SCFD1: variants seen among roughly 807,000 people sequenced by gnomAD.
SCFD1 encodes sec1 family domain containing 1.
SCFD1 carries 37 observed loss-of-function variants against 103.2 expected under a neutral mutation model. The ratio of observed to expected loss-of-function variants is 0.36; its 90% confidence interval spans 0.28 to 0.47. The LOEUF is 0.47. SCFD1 is among the 20% of genes least tolerant of loss of function. The pLI is 1.00. For missense variants in SCFD1, 639 were observed against 761.2 expected, an observed-to-expected ratio of 0.84 and a Z score of 1.89; for synonymous variants, 264 against 245.0, an observed-to-expected ratio of 1.08 and a Z score of -0.73.
chr14:30,646,100 A>G (rs1359494486), intron 7 of SCFD1, among the ~76,000 whole-genome samples: 1 of 152,064 alleles, frequency 6.6e-6, no homozygotes, highest in African/African-American at 2.4e-5. Context: ...ACCTCAGCTC[A>G]CTGCAACCTC....
Position 30,730,521 on chromosome 14 carries a change from T to C in SCFD1, c.1837-4269T>C, listed in dbSNP as rs1347607933. ...TTCTCCACATCCTCTCCAGCACCTG[T>C]TGTTCCCTGACTTTTTAATGATTGC... On this transcript the variant is annotated intron_variant, in intron 23 of 24. Coordinates refer to ENST00000458591, the MANE Select transcript of SCFD1 (RefSeq NM_016106.4). Among the ~76,000 whole-genome samples, 9 of 152,328 alleles carry C rather than the reference T, an allele frequency of 5.9e-5. No homozygotes were observed. In the East Asian group the frequency reaches 1.4e-3, roughly 23 times the overall value.
At position 30,670,409 on chromosome 14, in the gene SCFD1, C is replaced by A; in HGVS notation, c.995+14C>A. The A allele has an allele frequency of 6.7e-7, 1 of 1,499,006 alleles. No individual in the cohort carries two copies. Among genetic ancestry groups the A allele is most frequent in the Non-Finnish European group, 9.0e-7 (1 of 1,112,452 alleles). 92.9% of individuals were successfully genotyped at this position (1,499,006 alleles called of 1,614,324 possible). ...ACATAAAGGAAGGTAAGCAAAATAT[C>A]AATAAGTAAAAGATTCATTTTTTTA... is the stretch of plus-strand genomic sequence containing the variant. On this transcript the variant is annotated intron_variant, in intron 11 of 24. Coordinates refer to ENST00000458591, the MANE Select transcript of SCFD1 (RefSeq NM_016106.4).
At chr14:30,718,676 A>G (rs1055324313) in intron 20 of SCFD1, among the ~76,000 whole-genome samples, 1 of 152,240 alleles carries the variant, frequency 6.6e-6, no homozygotes, top group Non-Finnish European at 1.5e-5. Flanking sequence ...CATTTTTATC[A>G]GTTCATTTAT....
chr14:30,694,442 C>T (rs1292781712), intron 14 of SCFD1, among the ~76,000 whole-genome samples: 1 of 151,916 alleles, frequency 6.6e-6, no homozygotes, highest in Non-Finnish European at 1.5e-5. Flanking sequence ...GAGGCTGAGA[C>T]GGGCAGATTG....
At chr14:30,698,908 C>G (rs1218347171) in intron 15 of SCFD1, among the ~76,000 whole-genome samples, 1 of 152,162 alleles carries the variant, frequency 6.6e-6, no homozygotes, top group Non-Finnish European at 1.5e-5. Flanking sequence ...AGGGGAAGAG[C>G]TAGAAGACGA....
At chr14:30,627,743 CA>C (rs1336138733) in intron 1 of SCFD1, among the ~76,000 whole-genome samples, 11 of 73,774 alleles carry the variant, frequency 1.5e-4, no homozygotes, top group Non-Finnish European at 2.4e-4. Context: ...AACTCTGTCT[CA>C]GAAAAAAAAA....
rs1171724411 is a variant in SCFD1, at chr14:30,703,944, TATATATATATATATATATAA to T, written c.1490+1573_1490+1592del. Among the ~76,000 whole-genome samples the T allele has an allele frequency of 9.8e-3, 559 of 57,016 alleles. 24 individuals are homozygous for T. The highest frequency in any genetic ancestry group is 0.073 in the African/African-American group (457 of 6,262). The allele number at this position is 57,016 out of a possible 152,430, so 37.4% of individuals were successfully genotyped here. A position where few individuals can be genotyped will look rare whatever the true frequency, so the allele number is the denominator to read the frequency against. The stretch of plus-strand genomic sequence containing the variant: ...ATATATATATATATATATATATATA[TATATATATATATATATATAA>T]ATAATGAGATATCTTGGGGATGGGA... On this transcript the variant is annotated intron_variant, in intron 17 of 24. Transcript: ENST00000458591.
intron 2 of SCFD1, among the ~76,000 whole-genome samples, chr14:30,630,097 GTC>G (rs1235169993): frequency 6.6e-6 from 1 of 151,436 alleles, no homozygotes; most frequent in African/African-American, 2.4e-5. Flanking sequence ...GGATTTTATA[GTC>G]TCTATTTTTT....
intron 23 of SCFD1, among the ~76,000 whole-genome samples, chr14:30,726,406 C>T (rs1893045535): frequency 6.6e-6 from 1 of 152,138 alleles, no homozygotes; most frequent in Non-Finnish European, 1.5e-5. Context: ...TATACATTTG[C>T]TCATTCATTT....
At chr14:30,718,088 C>G (rs1892409269) in intron 20 of SCFD1, among the ~76,000 whole-genome samples, 1 of 152,108 alleles carries the variant, frequency 6.6e-6, no homozygotes, top group Non-Finnish European at 1.5e-5. Context: ...TACCATTATG[C>G]TGTATTGATT....
At chr14:30,698,719 A>G (rs1468840390) in intron 15 of SCFD1, among the ~76,000 whole-genome samples, 1 of 152,190 alleles carries the variant, frequency 6.6e-6, no homozygotes, top group East Asian at 1.9e-4. Context: ...GACCAAAGCC[A>G]AAGCTTTCTA....
At chr14:30,641,160 AATC>A (rs1885232596) in intron 6 of SCFD1, among the ~76,000 whole-genome samples, 3 of 152,212 alleles carry the variant, frequency 2.0e-5, no homozygotes, top group Admixed American at 2.0e-4. Context: ...ATCATTATGT[AATC>A]ATATACCTAA....
intron 15 of SCFD1, among the ~76,000 whole-genome samples, chr14:30,695,414 G>A (rs1011032358): frequency 6.6e-6 from 1 of 152,044 alleles, no homozygotes; most frequent in African/African-American, 2.4e-5. Context: ...GAAGCCAGGC[G>A]CAGAAAGACA....
intron 11 of SCFD1, 48 bp downstream of exon 11, chr14:30,670,443 T>C: frequency 1.5e-6 from 2 of 1,371,340 alleles, no homozygotes; most frequent in Non-Finnish European, 2.0e-6. Context: ...TAAAGAGAAA[T>C]TAAGGTGTCA....
chr14:30,713,456 G>A (rs1187128787), intron 19 of SCFD1, among the ~76,000 whole-genome samples: 2 of 152,144 alleles, frequency 1.3e-5, no homozygotes, highest in Non-Finnish European at 2.9e-5. Flanking sequence ...GAACAATTTT[G>A]CTGGAAAGAA....
chr14:30,704,173 A>G lies in SCFD1; in HGVS notation c.1491-1650A>G, dbSNP rs568969577. On this transcript the variant is annotated intron_variant, in intron 17 of 24. Transcript: ENST00000458591. The stretch of plus-strand genomic sequence containing the variant: ...GTGTATATTCTTTCATTGTTTATAC[A>G]TATGACAGATTTTTTTTCTAGAGAC... 3.7e-4 allele frequency among the ~76,000 whole-genome samples: 56 copies of G among 151,904 alleles called. 1 individual carries two copies. Among genetic ancestry groups the G allele is most frequent in the African/African-American group, 1.2e-3 (49 of 41,460 alleles).
intron 13 of SCFD1, 33 bp downstream of exon 13, chr14:30,674,030 T>A: frequency 6.6e-7 from 1 of 1,520,928 alleles, no homozygotes; most frequent in Non-Finnish European, 9.0e-7. Flanking sequence ...TTGAAGTCTT[T>A]CTGTTGATAG....
chr14:30,634,286 C>T (rs1352710330), intron 4 of SCFD1, among the ~76,000 whole-genome samples: 4 of 152,060 alleles, frequency 2.6e-5, no homozygotes, highest in Non-Finnish European at 5.9e-5. Context: ...CACAGTTAAC[C>T]AGGTACTGAA....
At chr14:30,662,170 T>C (rs557993186) in intron 10 of SCFD1, among the ~76,000 whole-genome samples, 1 of 152,302 alleles carries the variant, frequency 6.6e-6, no homozygotes, top group East Asian at 1.9e-4. Flanking sequence ...TCATTTCTTC[T>C]CTCATTGGTG....
Sources: gnomAD v4.1 joint callset for allele counts (sites outside exome capture counted in the v4.1 genomes callset) on GRCh38, gnomAD v4.1.1 for gene constraint, MANE v1.5 for transcripts, NCBI Gene and HGNC (gene_info 2026-07-23, HGNC 2026-07-21) for gene names.